TYW1B: variants seen among roughly 807,000 people sequenced by gnomAD.
TYW1B encodes the protein tRNA-yW synthesizing protein 1 homolog B, also known as S-adenosyl-L-methionine-dependent tRNA 4-demethylwyosine synthase TYW1B.
TYW1B carries 73 observed loss-of-function variants against 86.9 expected under a neutral mutation model. The observed-to-expected ratio is 0.84, with a 90% CI of 0.70 to 1.02. TYW1B has a LOEUF of 1.02. Among genes scored for constraint, TYW1B ranks in the 50% least tolerant of loss-of-function variants. The pLI is 0.00. For synonymous variants in TYW1B, 248 were observed against 292.8 expected, an observed-to-expected ratio of 0.85 and a Z score of 1.56; for missense variants, 637 against 827.4, an observed-to-expected ratio of 0.77 and a Z score of 2.82.
At chr7:72,727,157 A>G (rs1397446795) in intron 9 of TYW1B, among the ~76,000 whole-genome samples, 3 of 152,166 alleles carry the variant, frequency 2.0e-5, no homozygotes, top group Non-Finnish European at 2.9e-5. Flanking sequence ...GGAGTATTAT[A>G]ATATTACGAA....
intron 4 of TYW1B, among the ~76,000 whole-genome samples, chr7:72,809,213 T>A (rs1788553297): frequency 6.6e-6 from 1 of 151,942 alleles, no homozygotes; most frequent in East Asian, 1.9e-4. Context: ...TAGCTAATTT[T>A]TTTGTATTTT....
intron 13 of TYW1B, among the ~76,000 whole-genome samples, chr7:72,611,155 G>A (rs1437711266): frequency 5.9e-5 from 9 of 152,018 alleles, no homozygotes; most frequent in South Asian, 2.1e-4. Context: ...GTTAAATGGC[G>A]CCTCCTCTGT....
At chr7:72,630,489 T>A (rs1208802961) in intron 11 of TYW1B, among the ~76,000 whole-genome samples, 8 of 150,106 alleles carry the variant, frequency 5.3e-5, no homozygotes, top group African/African-American at 2.0e-4. Context: ...TAAGTAGCAA[T>A]GCTCAAAATA....
At chr7:72,637,349 CTAGTATTA>C (rs1162044040) in intron 11 of TYW1B, among the ~76,000 whole-genome samples, 1 of 151,462 alleles carries the variant, frequency 6.6e-6, no homozygotes, top group Non-Finnish European at 1.5e-5. Flanking sequence ...ATCATTTCAT[CTAGTATTA>C]ATTTTCTTAA....
chr7:72,620,289 T>C (rs1812182282), intron 12 of TYW1B, among the ~76,000 whole-genome samples: 1 of 152,000 alleles, frequency 6.6e-6, no homozygotes, highest in Non-Finnish European at 1.5e-5. Context: ...CCCAGCTACT[T>C]GGGAGGCTGA....
At chr7:72,712,431 C>T (rs187838873) in intron 10 of TYW1B, among the ~76,000 whole-genome samples, 1 of 152,048 alleles carries the variant, frequency 6.6e-6, no homozygotes, top group Non-Finnish European at 1.5e-5. Context: ...CGGGTTCAAG[C>T]GATTCTCCTG....
At chr7:72,684,226 G>C (rs1336465387) in intron 11 of TYW1B, among the ~76,000 whole-genome samples, 1 of 152,084 alleles carries the variant, frequency 6.6e-6, no homozygotes, top group African/African-American at 2.4e-5. Context: ...CAGTTTGTCA[G>C]GAGGCTCCCA....
intron 8 of TYW1B, among the ~76,000 whole-genome samples, chr7:72,742,011 G>C (rs1787312650): frequency 6.6e-6 from 1 of 152,068 alleles, no homozygotes; most frequent in Admixed American, 6.5e-5. Flanking sequence ...AAAAATGAAA[G>C]GACACTAAAC....
chr7:72,694,178 G>T (rs1394906179), intron 11 of TYW1B, among the ~76,000 whole-genome samples: 2 of 152,084 alleles, frequency 1.3e-5, no homozygotes, highest in Non-Finnish European at 2.9e-5. Context: ...GGCCAGGCTG[G>T]TCTTGAACTC....
At chr7:72,687,796 C>T (rs1554449659) in intron 11 of TYW1B, among the ~76,000 whole-genome samples, 1 of 152,060 alleles carries the variant, frequency 6.6e-6, no homozygotes, top group Non-Finnish European at 1.5e-5. Context: ...TGGCTCATGC[C>T]TGTAATCCCA....
chr7:72,617,143 G>C (rs1200151146), intron 12 of TYW1B, among the ~76,000 whole-genome samples: 1 of 152,192 alleles, frequency 6.6e-6, no homozygotes, highest in African/African-American at 2.4e-5. Flanking sequence ...TCAATAGCAT[G>C]TCTTTTGATT....
chr7:72,635,393 GA>G (rs1336945187), intron 11 of TYW1B, among the ~76,000 whole-genome samples: 1 of 152,176 alleles, frequency 6.6e-6, no homozygotes, highest in Non-Finnish European at 1.5e-5. Flanking sequence ...CACCGCAGGG[GA>G]CAATTAGCAA....
intron 2 of TYW1B, among the ~76,000 whole-genome samples, chr7:72,825,341 AC>A (rs1788910875): frequency 6.6e-6 from 1 of 152,126 alleles, no homozygotes; most frequent in African/African-American, 2.4e-5. Context: ...TACCTTTAAC[AC>A]TTTTAGCACT....
chr7:72,624,828 C>T (rs1322898566), intron 12 of TYW1B, among the ~76,000 whole-genome samples: 1 of 152,016 alleles, frequency 6.6e-6, no homozygotes, highest in African/African-American at 2.4e-5. Flanking sequence ...GAGGCCAAGG[C>T]GGGTGGATCA....
At chr7:72,795,468 T>C (rs1788289011) in intron 6 of TYW1B, among the ~76,000 whole-genome samples, 1 of 152,088 alleles carries the variant, frequency 6.6e-6, no homozygotes, top group South Asian at 2.1e-4. Flanking sequence ...ATTTGTCTCA[T>C]TGTTTCCCCA....
intron 11 of TYW1B, among the ~76,000 whole-genome samples, chr7:72,644,668 A>C (rs1812881412): frequency 6.6e-6 from 1 of 152,186 alleles, no homozygotes; most frequent in Non-Finnish European, 1.5e-5. Flanking sequence ...CTTTTTTAAA[A>C]AAATAAACAG....
chr7:72,632,285 G>GTATATATATA (rs1239640717), intron 11 of TYW1B, among the ~76,000 whole-genome samples: 4 of 83,544 alleles, frequency 4.8e-5, no homozygotes, highest in African/African-American at 2.9e-4. Flanking sequence ...ATATATACGT[G>GTATATATATA]TATATATATA....
At chr7:72,704,533 G>A (rs1225712514) in intron 10 of TYW1B, among the ~76,000 whole-genome samples, 1 of 148,360 alleles carries the variant, frequency 6.7e-6, no homozygotes, top group African/African-American at 2.5e-5. Flanking sequence ...AGGATCACTT[G>A]AGCACAGGAG....
At chr7:72,693,974 T>A (rs1320504108) in intron 11 of TYW1B, among the ~76,000 whole-genome samples, 2 of 152,124 alleles carry the variant, frequency 1.3e-5, no homozygotes, top group East Asian at 1.9e-4. Flanking sequence ...TTATTTATTT[T>A]TTTTGAGACA....
Sources: gnomAD v4.1 joint callset for allele counts (sites outside exome capture counted in the v4.1 genomes callset) on GRCh38, gnomAD v4.1.1 for gene constraint, MANE v1.5 for transcripts, NCBI Gene and HGNC (gene_info 2026-07-23, HGNC 2026-07-21) for gene names.